The following MAP3K4 variants were observed in gnomAD, a reference collection of about 807,000 sequenced individuals.
MAP3K4 encodes mitogen-activated protein kinase kinase kinase 4.
In MAP3K4, 67 loss-of-function variants were observed where a neutral mutation model predicts 185.6. That is an observed-to-expected ratio of 0.36 (90% CI 0.30 to 0.44). MAP3K4 has a LOEUF of 0.44. MAP3K4 is among the 20% of genes least tolerant of loss of function. The pLI is 1.00. For missense variants in MAP3K4, 1,551 were observed against 1,995.1 expected (o/e 0.78, Z 4.24); for synonymous variants, 702 against 710.4 (o/e 0.99, Z 0.19).
At chr6:161,066,807 A>G (rs375039135) in intron 3 of MAP3K4, among the ~76,000 whole-genome samples, 10 of 152,158 alleles carry the variant, frequency 6.6e-5, no homozygotes, top group African/African-American at 2.2e-4. Context: ...CTCCCAGGCA[A>G]TGTGGTCTTG....
rs1339789625 is a variant in MAP3K4, at chr6:161,022,496, G to C, written c.153-11763G>C. Among the ~76,000 whole-genome samples, 2 of 152,212 alleles carry C rather than the reference G, an allele frequency of 1.3e-5. No individual in the cohort carries two copies. The highest frequency in any genetic ancestry group is 2.4e-5 in the African/African-American group (1 of 41,452). Reference sequence around the variant, plus strand: ...AGAGAACTGGCTCTCTGAACTGCCAGTCCATACTTTCTCCTGGTCTCTCTC... The same window carrying C: ...AGAGAACTGGCTCTCTGAACTGCCACTCCATACTTTCTCCTGGTCTCTCTC... On this transcript the variant is annotated intron_variant, in intron 1 of 26. Coordinates refer to ENST00000392142, the MANE Select transcript of MAP3K4 (RefSeq NM_005922.4). The surrounding 1 kb of genome is among the most constrained non-coding windows in gnomAD (Gnocchi z 4.2).
In MAP3K4 at chr6:161,048,303, C is replaced by A. The variant is rs542026393; in HGVS notation, c.344-313C>A. 7.0e-6 allele frequency: 4 copies of A among 570,148 alleles called. No individual in the cohort carries two copies. Among genetic ancestry groups the A allele is most frequent in the South Asian group, 5.6e-5 (4 of 71,676 alleles). 35.3% of individuals were successfully genotyped at this position (570,148 alleles called of 1,614,324 possible). A position where few individuals can be genotyped will look rare whatever the true frequency, so the allele number is the denominator to read the frequency against. Reference sequence around the variant, plus strand: ...TCCTTAAATTGAAGGTGATTACTTACGGAAATTTGGTTAAATGATTTGATA... The same window carrying A: ...TCCTTAAATTGAAGGTGATTACTTAAGGAAATTTGGTTAAATGATTTGATA... On this transcript the variant is annotated intron_variant, in intron 2 of 26. Coordinates refer to ENST00000392142, the MANE Select transcript of MAP3K4 (RefSeq NM_005922.4). This position sits in a 1 kb window ranked among gnomAD's most constrained non-coding sequence, Gnocchi z 4.7.
chr6:161,026,631 A>G (rs1204701786), intron 1 of MAP3K4, among the ~76,000 whole-genome samples: 1 of 151,770 alleles, frequency 6.6e-6, no homozygotes, highest in Admixed American at 6.6e-5. Context: ...TAAGTACTCA[A>G]GTATTTGCAA....
intron 15 of MAP3K4, among the ~76,000 whole-genome samples, chr6:161,094,082 A>G (rs1274852614): frequency 1.3e-5 from 2 of 152,238 alleles, no homozygotes; most frequent in Non-Finnish European, 2.9e-5. Flanking sequence ...ACCAGCCAGC[A>G]GTATTCAATT....
Position 161,096,906 on chromosome 6 carries a change from G to A in MAP3K4, c.3428-174G>A, listed in dbSNP as rs1319316192. ...ATAGGGCTTTACTGACTTTTAAAAA[G>A]TGACATTTTCCATAATATTTGTATA... On this transcript the variant is annotated intron_variant, in intron 15 of 26. Transcript: ENST00000392142. The surrounding 1 kb of genome is among the most constrained non-coding windows in gnomAD (Gnocchi z 4.9). The A allele has an allele frequency of 1.9e-6, 1 of 520,778 alleles. No homozygotes were observed. The highest frequency in any genetic ancestry group is 1.9e-5 in the African/African-American group (1 of 53,044). 32.3% of individuals were successfully genotyped at this position (520,778 alleles called of 1,614,324 possible).
chr6:161,045,097 C>G (rs956789017), intron 2 of MAP3K4, among the ~76,000 whole-genome samples: 1 of 152,134 alleles, frequency 6.6e-6, no homozygotes, highest in African/African-American at 2.4e-5. Context: ...TTGGTATATC[C>G]TTTTTGCACA....
intron 1 of MAP3K4, among the ~76,000 whole-genome samples, chr6:161,000,441 G>T (rs1266817109): frequency 6.6e-6 from 1 of 152,162 alleles, no homozygotes; most frequent in Non-Finnish European, 1.5e-5. Flanking sequence ...ATTGTTACCC[G>T]AAGGCAAGAG....
Position 161,102,791 on chromosome 6 carries a change from AGT to A in MAP3K4, c.3856+15_3856+16del. 3 of 967,226 alleles carry A rather than the reference AGT, an allele frequency of 3.1e-6. No homozygotes were observed. The highest frequency in any genetic ancestry group is 4.6e-6 in the Non-Finnish European group (3 of 649,400). The allele number at this position is 967,226 out of a possible 1,614,324, so 59.9% of individuals were successfully genotyped here. A position where few individuals can be genotyped will look rare whatever the true frequency, so the allele number is the denominator to read the frequency against. ...CAGCCAGAGTAAAGGTGAGAGAAAG[AGT>A]GTTGAAGTTAAAAAAAAAAAAAAAA... On this transcript the variant is annotated intron_variant, in intron 19 of 26. Coordinates refer to ENST00000392142, the MANE Select transcript of MAP3K4 (RefSeq NM_005922.4).
chr6:161,016,876 T>C (rs1782141471), intron 1 of MAP3K4, among the ~76,000 whole-genome samples: 1 of 152,206 alleles, frequency 6.6e-6, no homozygotes, highest in African/African-American at 2.4e-5. Context: ...TTTTTGTAAA[T>C]ATTTATTGCA....
Position 161,075,446 on chromosome 6 carries a change from C to T in MAP3K4, c.2097+1834C>T, listed in dbSNP as rs1785127048. Among the ~76,000 whole-genome samples, 1 of 152,212 alleles carries T rather than the reference C, an allele frequency of 6.6e-6. No homozygotes were observed. The highest frequency in any genetic ancestry group is 6.5e-5 in the Admixed American group (1 of 15,286). On this transcript the variant is annotated intron_variant, in intron 5 of 26. Transcript: ENST00000392142. This position sits in a 1 kb window ranked among gnomAD's most constrained non-coding sequence, Gnocchi z 4.3. ...TGCTGGGATTATAGGCATTAGCCAC[C>T]ACACCTGCCCACTATATATTTCTTA...
At position 161,045,711 on chromosome 6, in the gene MAP3K4, C is replaced by G. The variant is rs77648000; in HGVS notation, c.344-2905C>G. ...AAGAAAAGTAATATTTTTTCACTCTCAACTATTACTTTCCAATTATAAATT... is the reference window on the plus strand; with the variant it reads ...AAGAAAAGTAATATTTTTTCACTCTGAACTATTACTTTCCAATTATAAATT... On this transcript the variant is annotated intron_variant, in intron 2 of 26. Transcript: ENST00000392142. Among the ~76,000 whole-genome samples the G allele has an allele frequency of 7.5e-3, 1,143 of 152,240 alleles. 9 individuals carry two copies. The highest frequency in any genetic ancestry group is 0.026 in the African/African-American group (1,086 of 41,540).
rs1782629377 is a variant in MAP3K4, at chr6:161,025,944, GT to G, written c.153-8312del. Among the ~76,000 whole-genome samples the G allele has an allele frequency of 2.0e-5, 3 of 152,118 alleles. No homozygotes were observed. In the South Asian group the frequency reaches 6.2e-4, roughly 31 times the overall value. On this transcript the variant is annotated intron_variant, in intron 1 of 26. Coordinates refer to ENST00000392142, the MANE Select transcript of MAP3K4 (RefSeq NM_005922.4). Reference sequence around the variant, plus strand: ...CTCTTTAGTTAAGCCTAAAACAACTGTTTGAATGAATCATGATGTTTATTTT... The same window carrying G: ...CTCTTTAGTTAAGCCTAAAACAACTGTTGAATGAATCATGATGTTTATTTT...
Position 161,106,578 on chromosome 6 carries a change from G to A in MAP3K4, c.3921G>A (p.Lys1307=), listed in dbSNP as rs760036794. The A allele has an allele frequency of 4.3e-6, 7 of 1,614,020 alleles. No homozygotes were observed. In the South Asian group the frequency reaches 6.6e-5, roughly 15 times the overall value. ...IQKSVRLFEE[K]RYREMRRKNI... is the part of the protein sequence containing the mutation. Reference sequence around the variant, plus strand: ...AGTCAGTCCGATTGTTTGAAGAAAAGAGGTACCGAGAAATGAGGAGAAAGA... The same window carrying A: ...AGTCAGTCCGATTGTTTGAAGAAAAAAGGTACCGAGAAATGAGGAGAAAGA... The change falls in exon 20 of 27, where the codon AAG becomes AAA. Residue 1307 remains lysine (K), a synonymous_variant. Coordinates refer to ENST00000392142, the MANE Select transcript of MAP3K4 (RefSeq NM_005922.4). The surrounding 1 kb of genome is among the most constrained non-coding windows in gnomAD (Gnocchi z 4.9).
intron 13 of MAP3K4, 112 bp downstream of exon 13, chr6:161,092,255 A>C (rs1297188096): frequency 4.3e-6 from 5 of 1,162,088 alleles, no homozygotes; most frequent in Non-Finnish European, 4.7e-6. Context: ...GGAACACTCT[A>C]AACTCTTCGG....
In MAP3K4 at chr6:161,103,381, T is replaced by G. The variant is rs1025788718; in HGVS notation, c.3856+602T>G. 6.6e-6 allele frequency among the ~76,000 whole-genome samples: 1 copy of G among 152,184 alleles called. No individual in the cohort carries two copies. Among genetic ancestry groups the G allele is most frequent in the South Asian group, 2.1e-4 (1 of 4,832 alleles). On this transcript the variant is annotated intron_variant, in intron 19 of 26. Transcript: ENST00000392142. This position sits in a 1 kb window ranked among gnomAD's most constrained non-coding sequence, Gnocchi z 4.6. ...TCCATGGCAGCTTCCCTTTGAACTT[T>G]GTGTGACTGACCAGAAGAGTATTTG...
chr6:161,000,272 GT>G (rs1781206854), intron 1 of MAP3K4, among the ~76,000 whole-genome samples: 2 of 152,132 alleles, frequency 1.3e-5, no homozygotes, highest in South Asian at 4.1e-4. Context: ...GTGACCCTCA[GT>G]TTTAAAAGCA....
In MAP3K4 at chr6:161,053,855, A is replaced by G. The variant is rs1261009092; in HGVS notation, c.1707+3876A>G. Among the ~76,000 whole-genome samples the G allele has an allele frequency of 2.0e-5, 3 of 152,090 alleles. No homozygotes were observed. Among genetic ancestry groups the G allele is most frequent in the Admixed American group, 6.6e-5 (1 of 15,266 alleles). On this transcript the variant is annotated intron_variant, in intron 3 of 26. Coordinates refer to ENST00000392142, the MANE Select transcript of MAP3K4 (RefSeq NM_005922.4). The surrounding 1 kb of genome is among the most constrained non-coding windows in gnomAD (Gnocchi z 4.2). ...ATGATCCACCTGCCTCCGCCTCCCA[A>G]AGTGCTGGGATTACAGGCGTGAGCC... is the stretch of plus-strand genomic sequence containing the variant.
In MAP3K4 at chr6:161,070,907, TATC is replaced by T; in HGVS notation, c.1950+60_1950+62del. 1 of 1,424,892 alleles carries T rather than the reference TATC, an allele frequency of 7.0e-7. No homozygotes were observed. Among genetic ancestry groups the T allele is most frequent in the Non-Finnish European group, 9.3e-7 (1 of 1,075,852 alleles). 88.3% of individuals were successfully genotyped at this position (1,424,892 alleles called of 1,614,324 possible). A position where few individuals can be genotyped will look rare whatever the true frequency, so the allele number is the denominator to read the frequency against. The stretch of plus-strand genomic sequence containing the variant: ...CAATTATTATATTATCCTACAGGCT[TATC>T]ATTTTTATTTTGAGAGTTCCTTTTT... On this transcript the variant is annotated intron_variant, in intron 4 of 26. Coordinates refer to ENST00000392142, the MANE Select transcript of MAP3K4 (RefSeq NM_005922.4). This position sits in a 1 kb window ranked among gnomAD's most constrained non-coding sequence, Gnocchi z 4.5.
At chr6:160,993,682 G>A (rs1018766802) in intron 1 of MAP3K4, among the ~76,000 whole-genome samples, 1 of 151,770 alleles carries the variant, frequency 6.6e-6, no homozygotes, top group African/African-American at 2.4e-5. Flanking sequence ...AGGTAAAAGC[G>A]AGAAGGGCAG....
Sources: allele counts gnomAD v4.1 joint callset (sites outside exome capture counted in the v4.1 genomes callset), GRCh38; gene constraint gnomAD v4.1.1; non-coding constraint Gnocchi (gnomAD v3.1); transcripts MANE v1.5; gene names NCBI Gene and HGNC (gene_info 2026-07-23, HGNC 2026-07-21).